The following WDR72 variants were observed in gnomAD, a reference collection of about 807,000 sequenced individuals.
WDR72 encodes the protein WD repeat domain 72.
WDR72 carries 120 observed loss-of-function variants against 124.2 expected under a neutral mutation model. The ratio of observed to expected loss-of-function variants is 0.97; its 90% CI spans 0.83 to 1.12. The LOEUF (loss-of-function observed/expected upper bound fraction) is 1.12. Among genes scored for constraint, WDR72 ranks in the 50% most tolerant of loss-of-function variants. The probability of loss-of-function intolerance (pLI) is 0.00; values close to 1 mark genes in which losing one functional copy is unlikely to be tolerated. For missense variants in WDR72, 1,387 were observed against 1,278.8 expected, an observed-to-expected ratio of 1.08 and a Z score of -1.29; for synonymous variants, 452 against 441.7, an observed-to-expected ratio of 1.02 and a Z score of -0.29.
intron 18 of WDR72, among the ~76,000 whole-genome samples, chr15:53,587,768 T>G (rs529249721): frequency 6.6e-6 from 1 of 152,030 alleles, no homozygotes; most frequent in South Asian, 2.1e-4. Context: ...TACCAAAGAG[T>G]GTTTTTACAT....
In WDR72 at chr15:53,710,946, A is replaced by C; in HGVS notation, c.865T>G (p.Ser289Ala). Reference sequence around the variant, plus strand: ...CCATCAGCAGGGTATATGCTTTTTGAAAGCCCACTGCGTGGCAAAAATAAA... The same window carrying C: ...CCATCAGCAGGGTATATGCTTTTTGCAAGCCCACTGCGTGGCAAAAATAAA... ...YIYQLLNSGL[S>A]KSIYPADGRV... Residue 289 changes from serine (S) to alanine (A), a missense_variant, in exon 9 of 20, where the codon TCA becomes GCA. By Grantham distance (99) the Ser-to-Ala change is moderately conservative. Transcript: ENST00000360509. 6.2e-7 allele frequency: 1 copy of C among 1,613,424 alleles called. No individual in the cohort carries two copies. The highest frequency in any genetic ancestry group is 8.5e-7 in the Non-Finnish European group (1 of 1,179,760).
intron 11 of WDR72, among the ~76,000 whole-genome samples, chr15:53,703,107 T>C (rs2140526014): frequency 6.6e-6 from 1 of 152,050 alleles, no homozygotes; most frequent in Admixed American, 6.6e-5. Flanking sequence ...AGGGACAGGG[T>C]GTCACCATAA....
intron 1 of WDR72, among the ~76,000 whole-genome samples, chr15:53,751,350 A>G (rs1197784668): frequency 1.3e-5 from 2 of 152,026 alleles, no homozygotes; most frequent in African/African-American, 4.8e-5. Context: ...GCAAACCACC[A>G]CCCTAATCAA....
chr15:53,621,042 T>C (rs2013969589), intron 14 of WDR72, among the ~76,000 whole-genome samples: 1 of 151,730 alleles, frequency 6.6e-6, no homozygotes, highest in South Asian at 2.1e-4. Flanking sequence ...AACAAACATA[T>C]AAAAAATGCT....
chr15:53,602,611 G>T (rs2013094816), intron 17 of WDR72, among the ~76,000 whole-genome samples: 2 of 151,946 alleles, frequency 1.3e-5, no homozygotes, highest in South Asian at 4.2e-4. Context: ...AAGAAGAAAA[G>T]AGAGAAGATT....
chr15:53,522,750 T>C (rs993972494), intron 19 of WDR72, among the ~76,000 whole-genome samples: 2 of 152,062 alleles, frequency 1.3e-5, no homozygotes, highest in African/African-American at 4.8e-5. Flanking sequence ...ACAGTATTCA[T>C]TACCATCATG....
At chr15:53,532,018 A>G (rs186779722) in intron 18 of WDR72, among the ~76,000 whole-genome samples, 1 of 152,228 alleles carries the variant, frequency 6.6e-6, no homozygotes, top group East Asian at 1.9e-4. Flanking sequence ...TTTGGGAAAC[A>G]TTTAGAGGAA....
Position 53,681,906 on chromosome 15 carries a change from A to G in WDR72, c.1766-16138T>C, listed in dbSNP as rs534758731. Among the ~76,000 whole-genome samples, 64 of 152,358 alleles carry G rather than the reference A, an allele frequency of 4.2e-4. 1 individual carries two copies. Among genetic ancestry groups the G allele is most frequent in the Admixed American group, 3.9e-3 (60 of 15,308 alleles). ...AAAAAAAAAGTGAATCAAATGATGTAGAATTTTTAAAATAAGTCATGGATA... is the reference window on the plus strand; with the variant it reads ...AAAAAAAAAGTGAATCAAATGATGTGGAATTTTTAAAATAAGTCATGGATA... On this transcript the variant is annotated intron_variant, in intron 13 of 19. Coordinates refer to ENST00000360509, the MANE Select transcript of WDR72 (RefSeq NM_182758.4).
chr15:53,755,795 T>G (rs1030597924), intron 1 of WDR72, among the ~76,000 whole-genome samples: 1 of 152,140 alleles, frequency 6.6e-6, no homozygotes, highest in Non-Finnish European at 1.5e-5. Flanking sequence ...TGGGAGGAGA[T>G]CAAGAAGAGT....
chr15:53,624,246 T>C (rs1368245957), intron 14 of WDR72, among the ~76,000 whole-genome samples: 1 of 152,206 alleles, frequency 6.6e-6, no homozygotes, highest in African/African-American at 2.4e-5. Flanking sequence ...CCAGGTTACA[T>C]AGATCCGTAT....
At chr15:53,737,227 A>G (rs2140626228) in intron 1 of WDR72, among the ~76,000 whole-genome samples, 1 of 152,328 alleles carries the variant, frequency 6.6e-6, no homozygotes, top group South Asian at 2.1e-4. Context: ...TGCTGTTAAA[A>G]CAAGGAAGTG....
intron 14 of WDR72, among the ~76,000 whole-genome samples, chr15:53,648,288 T>C (rs1197343331): frequency 6.6e-6 from 1 of 152,170 alleles, no homozygotes; most frequent in Non-Finnish European, 1.5e-5. Flanking sequence ...TCTTTCTCTA[T>C]ATGTTTTTGT....
rs1198922287 is a variant in WDR72 at position 53,513,752 on chromosome 15, A to C, written c.*3947T>G. 6.6e-6 allele frequency: 1 copy of C among 152,160 alleles called. No individual in the cohort carries two copies. Among genetic ancestry groups the C allele is most frequent in the African/African-American group, 2.4e-5 (1 of 41,442 alleles). The allele number at this position is 152,160 out of a possible 1,614,324, so 9.4% of individuals were successfully genotyped here. A position where few individuals can be genotyped will look rare whatever the true frequency, so the allele number is the denominator to read the frequency against. ...ACAAAAAACAGTAATCAAGATAAAT[A>C]TATTTTAATACAATATTTATAAAAA... On this transcript the variant is annotated 3_prime_UTR_variant, in exon 20 of 20. Transcript: ENST00000360509.
At position 53,515,651 on chromosome 15, in the gene WDR72, T is replaced by C. The variant is rs191235818; in HGVS notation, c.*2048A>G. The C allele has an allele frequency of 1.3e-5, 2 of 152,296 alleles. No individual in the cohort carries two copies. The highest frequency in any genetic ancestry group is 1.3e-4 in the Admixed American group (2 of 15,290). The allele number at this position is 152,296 out of a possible 1,614,324, so 9.4% of individuals were successfully genotyped here. ...AAATTTTAGAGATTCTAACATGCGATGCCGAAAAATCCTAACATTTCCACT... is the reference window on the plus strand; with the variant it reads ...AAATTTTAGAGATTCTAACATGCGACGCCGAAAAATCCTAACATTTCCACT... On this transcript the variant is annotated 3_prime_UTR_variant, in exon 20 of 20. Transcript: ENST00000360509.
chr15:53,706,332 GT>G (rs2017355652), intron 9 of WDR72, among the ~76,000 whole-genome samples: 4 of 33,346 alleles, frequency 1.2e-4, no homozygotes, highest in African/African-American at 4.1e-4. Context: ...TTATATGTGC[GT>G]GTGTGTGTGT....
At position 53,515,086 on chromosome 15, in the gene WDR72, TACACACAC is replaced by T. The variant is rs1555402422; in HGVS notation, c.*2605_*2612del. ...ATATACACACATATATATGTATGTA[TACACACAC>T]ACACACACACACAAATACATTCATA... is the stretch of plus-strand genomic sequence containing the variant. On this transcript the variant is annotated 3_prime_UTR_variant, in exon 20 of 20. Transcript: ENST00000360509. 1.1e-5 allele frequency: 1 copy of T among 87,204 alleles called. No homozygotes were observed. Among genetic ancestry groups the T allele is most frequent in the Admixed American group, 1.3e-4 (1 of 7,476 alleles). The allele number at this position is 87,204 out of a possible 1,614,324, so 5.4% of individuals were successfully genotyped here.
At chr15:53,599,399 C>T (rs2140342951) in intron 17 of WDR72, among the ~76,000 whole-genome samples, 1 of 152,096 alleles carries the variant, frequency 6.6e-6, no homozygotes, top group Admixed American at 6.6e-5. Context: ...TTTGTATTTC[C>T]TATTCCACCA....
At chr15:53,706,739 G>GTC (rs1196537732) in intron 9 of WDR72, among the ~76,000 whole-genome samples, 2 of 151,802 alleles carry the variant, frequency 1.3e-5, no homozygotes, top group Non-Finnish European at 2.9e-5. Context: ...ACTATTTTCA[G>GTC]ATTGAACATA....
chr15:53,754,930 T>C (rs1006004974), intron 1 of WDR72, among the ~76,000 whole-genome samples: 2 of 152,230 alleles, frequency 1.3e-5, no homozygotes, highest in Admixed American at 6.5e-5. Flanking sequence ...AATAAAGATA[T>C]GTTTTCATCA....
Sources: gnomAD v4.1 joint callset for allele counts (sites outside exome capture counted in the v4.1 genomes callset) on GRCh38, gnomAD v4.1.1 for gene constraint, MANE v1.5 for transcripts, NCBI Gene and HGNC (gene_info 2026-07-23, HGNC 2026-07-21) for gene names.